GARNL3: variants seen among roughly 807,000 people sequenced by gnomAD.
GARNL3 encodes the protein GTPase activating Rap/RanGAP domain like 3.
Under a neutral mutation model 125.0 loss-of-function variants are expected in GARNL3, and 63 were observed. The ratio of observed to expected loss-of-function variants is 0.50; its 90% CI spans 0.41 to 0.62. GARNL3 has a LOEUF of 0.62. Among genes scored for constraint, GARNL3 ranks in the 20% least tolerant of loss-of-function variants. GARNL3 has a pLI of 0.00. For missense variants in GARNL3, 994 were observed against 1,244.0 expected (o/e 0.80, Z 3.02); for synonymous variants, 439 against 457.5 (o/e 0.96, Z 0.52).
At chr9:127,314,910 C>A (rs565038951) in intron 4 of GARNL3, among the ~76,000 whole-genome samples, 1 of 152,296 alleles carries the variant, frequency 6.6e-6, no homozygotes, top group African/African-American at 2.4e-5. Context: ...GGAAGGGAGC[C>A]AGTCATTTGA....
At position 127,231,260 on chromosome 9, in the gene GARNL3, G is replaced by C. The variant is rs1273418180; in HGVS notation, c.-29+6922G>C. 2.3e-5 allele frequency among the ~76,000 whole-genome samples: 3 copies of C among 129,808 alleles called. No homozygotes were observed. The East Asian group carries it at 6.6e-4, about 28-fold the overall frequency. 85.2% of individuals were successfully genotyped at this position (129,808 alleles called of 152,430 possible). Reference sequence around the variant, plus strand: ...TTTTTTTTTTTGTATTTTTAGTAGAGACAGGGTTTCACTGTATTAGCCAGG... The same window carrying C: ...TTTTTTTTTTTGTATTTTTAGTAGACACAGGGTTTCACTGTATTAGCCAGG... On this transcript the variant is annotated intron_variant, in intron 1 of 10. Coordinates refer to the GARNL3 transcript ENST00000439286.
chr9:127,304,789 G>A (rs1160426471), intron 2 of GARNL3, among the ~76,000 whole-genome samples: 2 of 152,054 alleles, frequency 1.3e-5, no homozygotes, highest in Middle Eastern at 3.4e-3. Flanking sequence ...CACCCACCTC[G>A]GCTTCCCAAA....
At chr9:127,333,895 G>T (rs769436318) in intron 9 of GARNL3, among the ~76,000 whole-genome samples, 1 of 152,148 alleles carries the variant, frequency 6.6e-6, no homozygotes, top group Non-Finnish European at 1.5e-5. Context: ...GGTGAGATTA[G>T]ATCTGTACCT....
chr9:127,333,413 A>G (rs1829375294), intron 9 of GARNL3, among the ~76,000 whole-genome samples: 1 of 152,216 alleles, frequency 6.6e-6, no homozygotes, highest in Non-Finnish European at 1.5e-5. Context: ...GGGATATAGA[A>G]GTGGATAAAC....
intron 1 of GARNL3, among the ~76,000 whole-genome samples, chr9:127,224,886 G>A (rs978679064): frequency 4.7e-5 from 7 of 149,388 alleles, no homozygotes; most frequent in South Asian, 2.1e-4. Flanking sequence ...GCTGGCGCGG[G>A]AGGGGCGTTA....
chr9:127,239,027 T>C (rs1013620171), intron 1 of GARNL3, among the ~76,000 whole-genome samples: 10 of 152,150 alleles, frequency 6.6e-5, no homozygotes, highest in Non-Finnish European at 8.8e-5. Context: ...CATCTCTTCT[T>C]ACCAGTCCCA....
At position 127,333,027 on chromosome 9, in the gene GARNL3, T is replaced by C. The variant is rs772446758; in HGVS notation, c.675T>C (p.Ile225=). ...ATACTCTACTTCTTCCTGCAGAAAT[T>C]GGAAGCGAGCCTTTTCAAAAATTTT... ...LTDDEMFSNE[I]GSEPFQKFLN... Residue 225 remains isoleucine (I), a synonymous_variant, in exon 9 of 28, where the codon ATT becomes ATC. Coordinates refer to ENST00000373387, the MANE Select transcript of GARNL3 (RefSeq NM_032293.5). 2 of 1,611,318 alleles carry C rather than the reference T, an allele frequency of 1.2e-6. No homozygotes were observed. Among genetic ancestry groups the C allele is most frequent in the Non-Finnish European group, 1.7e-6 (2 of 1,177,400 alleles).
At chr9:127,350,347 C>G (rs143956278) in intron 17 of GARNL3, among the ~76,000 whole-genome samples, 28 of 152,154 alleles carry the variant, frequency 1.8e-4, no homozygotes, top group African/African-American at 6.3e-4. Context: ...ATGATGATCA[C>G]AACTAGAAGG....
intron 3 of GARNL3, 169 bp from the exon 4 acceptor site, chr9:127,313,272 A>C: frequency 1.6e-6 from 1 of 628,402 alleles, no homozygotes; most frequent in South Asian, 1.8e-5. Flanking sequence ...AGCAAGGGGC[A>C]GAGGAATACA....
At chr9:127,252,871 T>C (rs1315094761) in intron 2 of GARNL3, among the ~76,000 whole-genome samples, 1 of 152,214 alleles carries the variant, frequency 6.6e-6, no homozygotes, top group African/African-American at 2.4e-5. Flanking sequence ...GCATTATCTA[T>C]GTATTGAGAA....
At chr9:127,282,900 C>T (rs1168205965) in intron 1 of GARNL3, among the ~76,000 whole-genome samples, 2 of 152,074 alleles carry the variant, frequency 1.3e-5, no homozygotes, top group Admixed American at 6.5e-5. Flanking sequence ...TAATTGCCTA[C>T]AATTTGAAAC....
chr9:127,313,055 T>C (rs1343742443), intron 3 of GARNL3, among the ~76,000 whole-genome samples: 1 of 152,182 alleles, frequency 6.6e-6, no homozygotes, highest in Non-Finnish European at 1.5e-5. Context: ...CCATCCTTAG[T>C]GTGGCAGCTT....
At chr9:127,331,096 G>A (rs1829208598) in intron 7 of GARNL3, among the ~76,000 whole-genome samples, 1 of 151,882 alleles carries the variant, frequency 6.6e-6, no homozygotes, top group Non-Finnish European at 1.5e-5. Context: ...AACCAACCTT[G>A]TAGAGGTCGA....
chr9:127,265,859 G>A (rs1243326491), intron 1 of GARNL3, among the ~76,000 whole-genome samples: 1 of 152,164 alleles, frequency 6.6e-6, no homozygotes, highest in Non-Finnish European at 1.5e-5. Context: ...TTAAGTAGTA[G>A]AAAAATTTAT....
intron 1 of GARNL3, among the ~76,000 whole-genome samples, chr9:127,227,461 T>C (rs1258669292): frequency 2.0e-5 from 3 of 151,772 alleles, no homozygotes; most frequent in African/African-American, 7.3e-5. Flanking sequence ...ATTAGCCGGT[T>C]GTGGTGGTAG....
intron 14 of GARNL3, among the ~76,000 whole-genome samples, chr9:127,342,854 A>G (rs1380054417): frequency 6.6e-6 from 1 of 151,014 alleles, no homozygotes; most frequent in Admixed American, 6.6e-5. Flanking sequence ...ATGAGACCCA[A>G]CACCTTTCTA....
intron 22 of GARNL3, among the ~76,000 whole-genome samples, chr9:127,382,729 TG>T (rs1439789939): frequency 6.6e-6 from 1 of 152,184 alleles, no homozygotes; most frequent in Non-Finnish European, 1.5e-5. Flanking sequence ...CGTGGACTTG[TG>T]TTTAGAGCTT....
At chr9:127,358,790 G>A (rs1830821162) in intron 21 of GARNL3, among the ~76,000 whole-genome samples, 2 of 152,150 alleles carry the variant, frequency 1.3e-5, no homozygotes, top group Non-Finnish European at 2.9e-5. Flanking sequence ...GATTTCCTGG[G>A]TCTGGGGTGT....
intron 14 of GARNL3, 136 bp from the exon 15 acceptor site, chr9:127,344,099 A>G (rs1447248229): frequency 1.5e-6 from 1 of 649,110 alleles, no homozygotes; most frequent in African/African-American, 1.8e-5. Context: ...CAGGTGCTCC[A>G]TCAATGCTTA....
Sources: gnomAD v4.1 joint callset for allele counts (sites outside exome capture counted in the v4.1 genomes callset) on GRCh38, gnomAD v4.1.1 for gene constraint, MANE v1.5 for transcripts, NCBI Gene and HGNC (gene_info 2026-07-23, HGNC 2026-07-21) for gene names.